The following ZGPAT variants were observed in gnomAD, a reference collection of about 807,000 sequenced individuals.
The protein encoded by ZGPAT is zinc finger CCCH-type and G-patch domain containing.
Under a neutral mutation model 47.9 loss-of-function variants are expected in ZGPAT, and 39 were observed. The ratio of observed to expected loss-of-function variants is 0.81; its 90% confidence interval spans 0.63 to 1.06. ZGPAT has a LOEUF of 1.06. Among genes scored for constraint, ZGPAT ranks in the 50% least tolerant of loss-of-function variants. ZGPAT has a pLI of 0.00. For synonymous variants in ZGPAT, 348 were observed against 292.9 expected (o/e 1.19, Z -1.92); for missense variants, 717 against 681.4 (o/e 1.05, Z -0.58).
intron 2 of ZGPAT, among the ~76,000 whole-genome samples, chr20:63,714,013 CAATT>C: frequency 6.6e-6 from 1 of 151,916 alleles, no homozygotes; most frequent in Non-Finnish European, 1.5e-5. Context: ...TCAATATATA[CAATT>C]AATATATATG....
chr20:63,729,337 G>A (rs924319982), intron 2 of ZGPAT, among the ~76,000 whole-genome samples: 7 of 152,102 alleles, frequency 4.6e-5, no homozygotes, highest in Admixed American at 2.0e-4. Flanking sequence ...GCCCATATTC[G>A]ATTCAACGAC....
chr20:63,735,094 T>C, intron 5 of ZGPAT, 65 bp from the exon 6 acceptor site: 1 of 1,453,680 alleles, frequency 6.9e-7, no homozygotes, highest in Non-Finnish European at 9.0e-7. Flanking sequence ...AGCACTGCCA[T>C]CCCCGTGCTC....
At chr20:63,733,473 A>G in intron 3 of ZGPAT, 114 bp from the exon 4 acceptor site, 4 of 1,600,322 alleles carry the variant, frequency 2.5e-6, no homozygotes, top group South Asian at 2.2e-5. Context: ...TGGGCCCGAA[A>G]TGAGCACACC....
chr20:63,734,865 A>G, intron 5 of ZGPAT, 41 bp downstream of exon 5: 3 of 1,532,720 alleles, frequency 2.0e-6, no homozygotes, highest in Non-Finnish European at 2.6e-6. Flanking sequence ...AGGCTGCTGC[A>G]GCATAGCCCA....
At chr20:63,722,072 C>T (rs911251486) in intron 2 of ZGPAT, among the ~76,000 whole-genome samples, 3 of 151,824 alleles carry the variant, frequency 2.0e-5, no homozygotes, top group Non-Finnish European at 4.4e-5. Flanking sequence ...TGCCCCAGCC[C>T]TGAGAGAGTT....
At position 63,735,370 on chromosome 20, in the gene ZGPAT, G is replaced by T. The variant is rs1387138224; in HGVS notation, c.1203G>T (p.Lys401Asn). The T allele has an allele frequency of 2.6e-6, 4 of 1,552,012 alleles. No individual in the cohort carries two copies. Among genetic ancestry groups the T allele is most frequent in the Non-Finnish European group, 2.6e-6 (3 of 1,151,440 alleles). The change falls in exon 6 of 7, where the codon AAG (lysine) becomes AAT (asparagine). Residue 401 changes from lysine (K) to asparagine (N), a missense_variant. Lys to Asn is a moderately conservative substitution (Grantham distance 94, BLOSUM62 0). Coordinates refer to ENST00000355969, the MANE Select transcript of ZGPAT (RefSeq NM_181485.3). Reference sequence around the variant, plus strand: ...ATGTGTTTGACTTCCTCAATGAAAAGCTGCAAGGTCAGGCTCCTGGGGCCC... The same window carrying T: ...ATGTGTTTGACTTCCTCAATGAAAATCTGCAAGGTCAGGCTCCTGGGGCCC... ...PRNVFDFLNEKLQGQAPGALE... is the reference protein window; with the variant it reads ...PRNVFDFLNENLQGQAPGALE...
Position 63,732,740 on chromosome 20 carries a change from ATATG to A in ZGPAT, c.585-477_585-474del, listed in dbSNP as rs528618355. Among the ~76,000 whole-genome samples, 501 of 149,490 alleles carry A rather than the reference ATATG, an allele frequency of 3.4e-3. 3 individuals are homozygous for A. Among genetic ancestry groups the A allele is most frequent in the African/African-American group, 0.012 (483 of 40,248 alleles). On this transcript the variant is annotated intron_variant, in intron 2 of 6. Transcript: ENST00000355969. ...TGTATGTGTATATGTGTATGTCTGT[ATATG>A]TGTGTGTATGCCTGTGTACGTATGT... is the stretch of plus-strand genomic sequence containing the variant.
rs747483402 is a variant in ZGPAT, at chr20:63,709,136, G to A, written c.556G>A (p.Gly186Arg). The change falls in exon 2 of 7, where the codon GGA becomes AGA. Residue 186 changes from glycine (G) to arginine (R), a missense_variant. Coordinates refer to ENST00000355969, the MANE Select transcript of ZGPAT (RefSeq NM_181485.3). Reference protein sequence around the residue: ...SLKPCPFFLEGKCRFKENCRF... With the variant: ...SLKPCPFFLERKCRFKENCRF... ...GAAGCCGTGCCCGTTCTTCCTGGAG[G>A]GAAAGTGCCGCTTTAAGGAGAACTG... is the stretch of plus-strand genomic sequence containing the variant. The A allele has an allele frequency of 3.7e-6, 6 of 1,612,036 alleles. No individual in the cohort carries two copies. The highest frequency in any genetic ancestry group is 5.1e-6 in the Non-Finnish European group (6 of 1,180,022).
Position 63,733,622 on chromosome 20 carries a change from T to G in ZGPAT, c.754T>G (p.Ser252Ala). ...CGGCTACTACACAGTCAAGTTTGAC[T>G]CGCTGCTGCTGAGGGAGGCCGTGGT... ...DNGYYTVKFD[S>A]LLLREAVVEG... The change falls in exon 4 of 7, where the codon TCG becomes GCG. Residue 252 changes from serine (S) to alanine (A), a missense_variant. Ser to Ala is a moderately conservative substitution (Grantham distance 99, BLOSUM62 1). Transcript: ENST00000355969. 1 of 1,614,076 alleles carries G rather than the reference T, an allele frequency of 6.2e-7. No homozygotes were observed. The highest frequency in any genetic ancestry group is 2.2e-5 in the East Asian group (1 of 44,884).
chr20:63,735,290 C>T lies in ZGPAT; in HGVS notation c.1123C>T (p.Pro375Ser). 6.2e-7 allele frequency: 1 copy of T among 1,602,904 alleles called. No individual in the cohort carries two copies. The highest frequency in any genetic ancestry group is 8.5e-7 in the Non-Finnish European group (1 of 1,174,692). ...GGTTGGCAAGGCTGGCACCAACAAG[C>T]CCCCCAGGTGCCGGGGAAGAGGGGC... ...TRVGKAGTNK[P>S]PRCRGRGARP... Residue 375 changes from proline (P) to serine (S), a missense_variant, in exon 6 of 7, where the codon CCC becomes TCC. Pro to Ser is a moderately conservative substitution (Grantham distance 74). Transcript: ENST00000355969.
At chr20:63,713,550 A>G (rs2145643309) in intron 2 of ZGPAT, among the ~76,000 whole-genome samples, 1 of 149,920 alleles carries the variant, frequency 6.7e-6, no homozygotes, top group Non-Finnish European at 1.5e-5. Flanking sequence ...TTCCTTAGTT[A>G]CATTTTCAGG....
At chr20:63,732,584 T>C (rs2091924469) in intron 2 of ZGPAT, among the ~76,000 whole-genome samples, 1 of 151,916 alleles carries the variant, frequency 6.6e-6, no homozygotes, top group African/African-American at 2.4e-5. Flanking sequence ...AGTTCATGTG[T>C]GAGTGCATGT....
chr20:63,714,988 T>G (rs2091711541), intron 2 of ZGPAT, among the ~76,000 whole-genome samples: 1 of 152,050 alleles, frequency 6.6e-6, no homozygotes, highest in Admixed American at 6.6e-5. Flanking sequence ...GATGATCATG[T>G]GTGGTTTTTT....
chr20:63,735,678 G>T (rs928108811), intron 6 of ZGPAT, 103 bp from the exon 7 acceptor site: 18 of 1,526,000 alleles, frequency 1.2e-5, no homozygotes, highest in Non-Finnish European at 1.6e-5. Flanking sequence ...GGAGGGGTCT[G>T]CATGTTGGAG....
intron 2 of ZGPAT, among the ~76,000 whole-genome samples, chr20:63,728,258 G>A (rs1049959604): frequency 2.6e-5 from 4 of 152,118 alleles, no homozygotes; most frequent in South Asian, 2.1e-4. Flanking sequence ...GGATGGTCTC[G>A]ATCTCCTGAC....
intron 2 of ZGPAT, among the ~76,000 whole-genome samples, chr20:63,716,061 G>A (rs748330217): frequency 2.0e-5 from 3 of 152,064 alleles, no homozygotes; most frequent in African/African-American, 4.8e-5. Flanking sequence ...GTTTGGTCTC[G>A]CTCTGTCGCC....
intron 6 of ZGPAT, 24 bp from the exon 7 acceptor site, chr20:63,735,757 G>A (rs754634330): frequency 5.7e-6 from 9 of 1,576,226 alleles, no homozygotes; most frequent in South Asian, 2.3e-5. Flanking sequence ...AGGACCCCAC[G>A]CTGACTAGTG....
intron 3 of ZGPAT, 100 bp from the exon 4 acceptor site, chr20:63,733,487 C>T (rs963096528): frequency 9.3e-6 from 15 of 1,606,056 alleles, no homozygotes; most frequent in African/African-American, 4.0e-5. Flanking sequence ...GCACACCTAC[C>T]CTCAGCCTCT....
intron 2 of ZGPAT, among the ~76,000 whole-genome samples, chr20:63,712,916 GA>G (rs1568786182): frequency 2.0e-5 from 3 of 151,346 alleles, no homozygotes; most frequent in Non-Finnish European, 2.9e-5. Context: ...AATAACAGAA[GA>G]AAAAAACAGT....
Sources: gnomAD v4.1 joint callset for allele counts (sites outside exome capture counted in the v4.1 genomes callset) on GRCh38, gnomAD v4.1.1 for gene constraint, MANE v1.5 for transcripts, NCBI Gene and HGNC (gene_info 2026-07-23, HGNC 2026-07-21) for gene names.